Variants in DCPS observed in about 807,000 individuals in gnomAD.
DCPS encodes decapping enzyme, scavenger.
DCPS carries 27 observed loss-of-function variants against 34.7 expected under a neutral mutation model. The observed-to-expected ratio is 0.78, with a 90% CI of 0.57 to 1.07. The LOEUF (loss-of-function observed/expected upper bound fraction) is 1.07. Among genes scored for constraint, DCPS ranks in the 50% least tolerant of loss-of-function variants. The pLI is 0.00. For missense variants in DCPS, 464 were observed against 436.9 expected (o/e 1.06, Z -0.55); for synonymous variants, 185 against 185.7 (o/e 1.00, Z 0.03).
rs1184671702 is a variant in DCPS, at chr11:126,348,413, G to C, written c.*2800G>C. ...CTTGTACATGGAAAGACAAGCCTCT[G>C]CTAGAGGCCTGGCAAGGGTTCCCCT... On this transcript the variant is annotated 3_prime_UTR_variant, in exon 6 of 6. Transcript: ENST00000263579. This position sits in a 1 kb window ranked among gnomAD's most constrained non-coding sequence, Gnocchi z 5.3. Among the ~76,000 whole-genome samples the C allele has an allele frequency of 6.6e-6, 1 of 152,220 alleles. No individual in the cohort carries two copies. The highest frequency in any genetic ancestry group is 1.5e-5 in the Non-Finnish European group (1 of 68,038).
chr11:126,312,709 A>C lies in DCPS; in HGVS notation c.376+5965A>C, dbSNP rs1265228867. Among the ~76,000 whole-genome samples, 1 of 151,850 alleles carries C rather than the reference A, an allele frequency of 6.6e-6. No homozygotes were observed. Among genetic ancestry groups the C allele is most frequent in the East Asian group, 1.9e-4 (1 of 5,188 alleles). ...TTCATGGCCACTGTCCTGGATTAGG[A>C]CCCATTAAGAGAAGGTGTATAGAGC... On this transcript the variant is annotated intron_variant, in intron 2 of 5. Transcript: ENST00000263579. The surrounding 1 kb of genome is among the most constrained non-coding windows in gnomAD (Gnocchi z 5.1).
rs1029528029 is a variant in DCPS, at chr11:126,329,658, T to A, written c.377-1747T>A. On this transcript the variant is annotated intron_variant, in intron 2 of 5. Coordinates refer to ENST00000263579, the MANE Select transcript of DCPS (RefSeq NM_014026.6). This position sits in a 1 kb window ranked among gnomAD's most constrained non-coding sequence, Gnocchi z 5.0. ...CAGGAGCACTGGCTTTAGGGTGAGATGGCCTCAGTTCCAGGTTCGCCTCTG... is the reference window on the plus strand; with the variant it reads ...CAGGAGCACTGGCTTTAGGGTGAGAAGGCCTCAGTTCCAGGTTCGCCTCTG... 2.0e-5 allele frequency among the ~76,000 whole-genome samples: 3 copies of A among 152,186 alleles called. No individual in the cohort carries two copies. The highest frequency in any genetic ancestry group is 4.4e-5 in the Non-Finnish European group (3 of 68,036).
rs533939252 is a variant in DCPS at position 126,325,549 on chromosome 11, T to G, written c.377-5856T>G. ...TATAATTTAGAATTCTGGAAGTATA[T>G]AACCAAAGAGGTGGCCAGAAGTGTT... On this transcript the variant is annotated intron_variant, in intron 2 of 5. Coordinates refer to ENST00000263579, the MANE Select transcript of DCPS (RefSeq NM_014026.6). This position sits in a 1 kb window ranked among gnomAD's most constrained non-coding sequence, Gnocchi z 4.3. Among the ~76,000 whole-genome samples the G allele has an allele frequency of 2.0e-5, 3 of 152,316 alleles. No homozygotes were observed. Among genetic ancestry groups the G allele is most frequent in the African/African-American group, 7.2e-5 (3 of 41,562 alleles).
In DCPS at chr11:126,338,034, A is replaced by G. The variant is rs754066276; in HGVS notation, c.523-252A>G. 3.1e-5 allele frequency: 16 copies of G among 513,084 alleles called. No homozygotes were observed. Among genetic ancestry groups the G allele is most frequent in the Non-Finnish European group, 4.9e-5 (14 of 282,912 alleles). The allele number at this position is 513,084 out of a possible 1,614,324, so 31.8% of individuals were successfully genotyped here. A position where few individuals can be genotyped will look rare whatever the true frequency, so the allele number is the denominator to read the frequency against. ...ACCAGGAAGAGCCTGGCCCCTTCCA[A>G]GCTGCAGAGACCCTTGTGATGACGC... is the stretch of plus-strand genomic sequence containing the variant. On this transcript the variant is annotated intron_variant, in intron 3 of 5. Transcript: ENST00000263579. This position sits in a 1 kb window ranked among gnomAD's most constrained non-coding sequence, Gnocchi z 5.4.
rs996491343 is a variant in DCPS, at chr11:126,322,340, T to G, written c.377-9065T>G. Among the ~76,000 whole-genome samples, 2 of 152,210 alleles carry G rather than the reference T, an allele frequency of 1.3e-5. No homozygotes were observed. Among genetic ancestry groups the G allele is most frequent in the African/African-American group, 4.8e-5 (2 of 41,452 alleles). ...GTGCATTGGTGCCATCTTGGCTCACTGCAACCTCCGTCTCCTGGGTTCAAG... is the reference window on the plus strand; with the variant it reads ...GTGCATTGGTGCCATCTTGGCTCACGGCAACCTCCGTCTCCTGGGTTCAAG... On this transcript the variant is annotated intron_variant, in intron 2 of 5. Coordinates refer to ENST00000263579, the MANE Select transcript of DCPS (RefSeq NM_014026.6). This position sits in a 1 kb window ranked among gnomAD's most constrained non-coding sequence, Gnocchi z 4.2.
In DCPS at chr11:126,304,167, G is replaced by T. The variant is rs147935593; in HGVS notation, c.87G>T (p.Glu29Asp). The change falls in exon 1 of 6, where the codon GAG becomes GAT. Residue 29 changes from glutamate to aspartate, a missense_variant. Glu to Asp is a conservative substitution (Grantham distance 45). Transcript: ENST00000263579. ...EAHAASTEEK[E>D]AGVGNGTCAP... ...ACGCCGCCAGCACAGAGGAAAAGGA[G>T]GCAGGAGTTGGAAATGGTACCTGTG... is the stretch of plus-strand genomic sequence containing the variant. The T allele has an allele frequency of 5.1e-4, 820 of 1,614,276 alleles. 4 individuals carry two copies. The Middle Eastern group carries it at 0.014, about 28-fold the overall frequency.
chr11:126,312,820 T>C lies in DCPS; in HGVS notation c.376+6076T>C, dbSNP rs1487687607. Among the ~76,000 whole-genome samples the C allele has an allele frequency of 6.6e-6, 1 of 152,194 alleles. No homozygotes were observed. The highest frequency in any genetic ancestry group is 1.5e-5 in the Non-Finnish European group (1 of 68,028). On this transcript the variant is annotated intron_variant, in intron 2 of 5. Transcript: ENST00000263579. This position sits in a 1 kb window ranked among gnomAD's most constrained non-coding sequence, Gnocchi z 5.1. ...TTATTTTTTTCCACCTTTCAATTTA[T>C]GTGAGCTTTAAATGGAATAATATAT...
At chr11:126,314,548 A>G (rs1951644378) in intron 2 of DCPS, among the ~76,000 whole-genome samples, 1 of 152,192 alleles carries the variant, frequency 6.6e-6, no homozygotes, top group African/African-American at 2.4e-5. Flanking sequence ...ATACATGTTT[A>G]TAGCAGCACA....
Position 126,304,280 on chromosome 11 carries a change from A to G in DCPS, c.200A>G (p.Lys67Arg), listed in dbSNP as rs887621009. Reference sequence around the variant, plus strand: ...GACAAAATCATTTTCCTACACGGGAAGGTACCAGGAGGCAACCCTGAGGTG... The same window carrying G: ...GACAAAATCATTTTCCTACACGGGAGGGTACCAGGAGGCAACCCTGAGGTG... ...ARDKIIFLHG[K>R]VNEASGDGDG... The change falls in exon 1 of 6, where the codon AAG becomes AGG. Residue 67 changes from lysine (K) to arginine (R), a missense_variant and splice_region_variant. Physicochemically the swap from Lys to Arg is conservative, Grantham distance 26 (BLOSUM62 2). Coordinates refer to ENST00000263579, the MANE Select transcript of DCPS (RefSeq NM_014026.6). 16 of 1,613,928 alleles carry G rather than the reference A, an allele frequency of 9.9e-6. No individual in the cohort carries two copies. In the East Asian group the frequency reaches 3.3e-4, roughly 34 times the overall value.
intron 2 of DCPS, among the ~76,000 whole-genome samples, chr11:126,324,890 G>T (rs1951729641): frequency 6.6e-6 from 1 of 152,054 alleles, no homozygotes; most frequent in Admixed American, 6.6e-5. Context: ...TTTGGGTGGA[G>T]ATGCCTTCTC....
intron 1 of DCPS, among the ~76,000 whole-genome samples, chr11:126,305,838 G>C (rs934604479): frequency 1.2e-4 from 19 of 152,274 alleles, no homozygotes; most frequent in African/African-American, 4.3e-4. Flanking sequence ...TGCAGCACCT[G>C]TTGAAGGTGT....
intron 2 of DCPS, among the ~76,000 whole-genome samples, chr11:126,317,207 C>T (rs1283853797): frequency 1.3e-5 from 2 of 151,304 alleles, no homozygotes; most frequent in African/African-American, 4.9e-5. Flanking sequence ...GATCCACCCT[C>T]CTCGGCCTCC....
At position 126,325,594 on chromosome 11, in the gene DCPS, G is replaced by A. The variant is rs754742860; in HGVS notation, c.377-5811G>A. Among the ~76,000 whole-genome samples the A allele has an allele frequency of 7.2e-5, 11 of 152,212 alleles. No homozygotes were observed. Among genetic ancestry groups the A allele is most frequent in the Non-Finnish European group, 1.2e-4 (8 of 68,032 alleles). The stretch of plus-strand genomic sequence containing the variant: ...AGTGTTGAAAGTGGTGCCTTTGAAG[G>A]AGCTGGAAATTGGGAGCAGGGAGGA... On this transcript the variant is annotated intron_variant, in intron 2 of 5. Coordinates refer to ENST00000263579, the MANE Select transcript of DCPS (RefSeq NM_014026.6). The surrounding 1 kb of genome is among the most constrained non-coding windows in gnomAD (Gnocchi z 4.3).
At chr11:126,304,358 T>G in intron 1 of DCPS, 77 bp downstream of exon 1, 1 of 1,506,442 alleles carries the variant, frequency 6.6e-7, no homozygotes, top group South Asian at 1.2e-5. Context: ...TTTTTTTTTT[T>G]CGGATCTCGG....
rs747350362 is a variant in DCPS at position 126,338,276 on chromosome 11, C to T, written c.523-10C>T. On this transcript the variant is annotated splice_polypyrimidine_tract_variant and intron_variant, in intron 3 of 5. Transcript: ENST00000263579. This position sits in a 1 kb window ranked among gnomAD's most constrained non-coding sequence, Gnocchi z 5.4. The stretch of plus-strand genomic sequence containing the variant: ...GGATTTGTGAACCATCTCTCTCCCC[C>T]TCCTTTCAGTGGGTGTATAACATTC... 1 of 1,613,638 alleles carries T rather than the reference C, an allele frequency of 6.2e-7. No individual in the cohort carries two copies. The highest frequency in any genetic ancestry group is 8.5e-7 in the Non-Finnish European group (1 of 1,179,524).
chr11:126,309,141 C>A (rs1951599753), intron 2 of DCPS, among the ~76,000 whole-genome samples: 2 of 151,696 alleles, frequency 1.3e-5, no homozygotes, highest in Non-Finnish European at 2.9e-5. Flanking sequence ...TTTCCTGCCT[C>A]AGCCTCCCGA....
At chr11:126,340,958 G>T (rs1591392342) in intron 4 of DCPS, 1 of 152,092 alleles carries the variant, frequency 6.6e-6, no homozygotes, top group Non-Finnish European at 1.5e-5. Context: ...ACAGTACAGA[G>T]GATATTCAGT....
At position 126,336,829 on chromosome 11, in the gene DCPS, G is replaced by A. The variant is rs942207731; in HGVS notation, c.523-1457G>A. 5.2e-4 allele frequency: 79 copies of A among 152,434 alleles called. No homozygotes were observed. Among genetic ancestry groups the A allele is most frequent in the African/African-American group, 1.9e-3 (77 of 41,582 alleles). 9.4% of individuals were successfully genotyped at this position (152,434 alleles called of 1,614,324 possible). On this transcript the variant is annotated intron_variant, in intron 3 of 5. Coordinates refer to ENST00000263579, the MANE Select transcript of DCPS (RefSeq NM_014026.6). The surrounding 1 kb of genome is among the most constrained non-coding windows in gnomAD (Gnocchi z 6.3). ...CCCCTCCCAGGAAGGGGCCTCATTC[G>A]GTTTCTTGGGAACTGCCTGTCTTTT...
Position 126,346,376 on chromosome 11 carries a change from T to C in DCPS, c.*763T>C, listed in dbSNP as rs1432998840. Among the ~76,000 whole-genome samples the C allele has an allele frequency of 1.3e-5, 2 of 152,130 alleles. No individual in the cohort carries two copies. The highest frequency in any genetic ancestry group is 2.9e-5 in the Non-Finnish European group (2 of 68,014). On this transcript the variant is annotated 3_prime_UTR_variant, in exon 6 of 6. Coordinates refer to ENST00000263579, the MANE Select transcript of DCPS (RefSeq NM_014026.6). The surrounding 1 kb of genome is among the most constrained non-coding windows in gnomAD (Gnocchi z 4.1). Reference sequence around the variant, plus strand: ...AGTGAATCAGCAAGGGCAAATGATATGGTTGCAGTTGAATACAAAAGCCCG... The same window carrying C: ...AGTGAATCAGCAAGGGCAAATGATACGGTTGCAGTTGAATACAAAAGCCCG...
Sources: gnomAD v4.1 joint callset for allele counts (sites outside exome capture counted in the v4.1 genomes callset) on GRCh38, gnomAD v4.1.1 for gene constraint, Gnocchi (gnomAD v3.1) non-coding constraint, MANE v1.5 for transcripts, NCBI Gene and HGNC (gene_info 2026-07-23, HGNC 2026-07-21) for gene names.